Variants in ZSCAN30 observed in about 807,000 individuals in gnomAD.
ZSCAN30 encodes the protein zinc finger and SCAN domain containing 30.
A neutral mutation model predicts 44.3 loss-of-function variants in ZSCAN30; 37 were observed. The observed-to-expected ratio is 0.84, with a 90% CI of 0.64 to 1.10. The LOEUF is 1.10. Ranked by LOEUF, ZSCAN30 falls within the 50% of genes least tolerant of loss-of-function variation. The pLI is 0.00. For synonymous variants in ZSCAN30, 181 were observed against 204.6 expected (o/e 0.88, Z 0.98); for missense variants, 549 against 582.6 (o/e 0.94, Z 0.59).
chr18:35,283,210 C>T (rs2044490546), intron 1 of ZSCAN30: 1 of 150,714 alleles, frequency 6.6e-6, no homozygotes, highest in Non-Finnish European at 1.5e-5. Flanking sequence ...TGGTGAGACC[C>T]CGTCTCTACT....
At chr18:35,271,166 C>G (rs1463179720) in intron 1 of ZSCAN30, among the ~76,000 whole-genome samples, 4 of 152,168 alleles carry the variant, frequency 2.6e-5, no homozygotes, top group Admixed American at 2.6e-4. Flanking sequence ...AAAAGGACCC[C>G]ACCAGGTTCC....
rs970210429 is a variant in ZSCAN30, at chr18:35,265,577, G to C, written c.-103-1122C>G. ...GGCTGATACTAAATCAGAAATGATG[G>C]TGAAAATGTTAGGAAGGGATCATGG... is the stretch of plus-strand genomic sequence containing the variant. On this transcript the variant is annotated intron_variant, in intron 1 of 3. Transcript: ENST00000333206. Among the ~76,000 whole-genome samples the C allele has an allele frequency of 2.0e-5, 3 of 152,182 alleles. No homozygotes were observed. The South Asian group carries it at 6.2e-4, about 31-fold the overall frequency.
Position 35,253,910 on chromosome 18 carries a change from G to A in ZSCAN30, c.1025C>T (p.Ser342Leu). 1 of 1,614,104 alleles carries A rather than the reference G, an allele frequency of 6.2e-7. No individual in the cohort carries two copies. ...AATTCTCTGATGTCTAACAAGGTCT[G>A]AGCTCAAACTGAAGGCTTTGCCACA... is the stretch of plus-strand genomic sequence containing the variant. ...KECGKAFSLS[S>L]DLVRHQRIHS... is the part of the protein sequence containing the mutation. The change falls in exon 4 of 4, where the codon TCA becomes TTA. Residue 342 changes from serine (S) to leucine (L), a missense_variant. Transcript: ENST00000333206.
chr18:35,264,588 A>T lies in ZSCAN30; in HGVS notation c.-103-133T>A, dbSNP rs550097012. On this transcript the variant is annotated intron_variant, in intron 1 of 3. Transcript: ENST00000333206. ...TGACTAACAGGGCACTTCCACATAAATGATACATTTATAGATGACTCAGGA... is the reference window on the plus strand; with the variant it reads ...TGACTAACAGGGCACTTCCACATAATTGATACATTTATAGATGACTCAGGA... 1.0e-3 allele frequency: 505 copies of T among 481,204 alleles called. 12 individuals carry two copies. In the South Asian group the frequency reaches 0.016, roughly 15 times the overall value. The allele number at this position is 481,204 out of a possible 1,614,324, so 29.8% of individuals were successfully genotyped here. A position where few individuals can be genotyped will look rare whatever the true frequency, so the allele number is the denominator to read the frequency against.
At chr18:35,280,054 C>T (rs1003061530) in intron 1 of ZSCAN30, among the ~76,000 whole-genome samples, 1 of 151,950 alleles carries the variant, frequency 6.6e-6, no homozygotes, top group East Asian at 1.9e-4. Flanking sequence ...GGTGGGTAGA[C>T]TGATTGAGCC....
intron 1 of ZSCAN30, among the ~76,000 whole-genome samples, chr18:35,271,196 C>A (rs146428082): frequency 6.6e-6 from 1 of 152,292 alleles, no homozygotes; most frequent in South Asian, 2.1e-4. Context: ...CTGGGGCAGC[C>A]GGCTTTTATT....
rs746907792 is a variant in ZSCAN30, at chr18:35,263,530, TG to T, written c.535del (p.Gln179ArgfsTer16). The T allele has an allele frequency of 1.2e-6, 2 of 1,614,202 alleles. No individual in the cohort carries two copies. Among genetic ancestry groups the T allele is most frequent in the South Asian group, 2.2e-5 (2 of 91,090 alleles). Reference sequence around the variant, plus strand: ...CTTCTCACCTCTCTCCTGGAAAGCCTGGGACTCCTGAGTCTCAGTCTTGCAC... The same window carrying T: ...CTTCTCACCTCTCTCCTGGAAAGCCTGGACTCCTGAGTCTCAGTCTTGCAC... ...NQCKTETQES[Q>X]AFQERDGRMV... On this transcript the variant is annotated frameshift_variant, in exon 3 of 4. Transcript: ENST00000333206. LOFTEE classifies it high-confidence loss of function.
At chr18:35,258,164 G>A (rs1031373244) in intron 3 of ZSCAN30, 13 of 596,678 alleles carry the variant, frequency 2.2e-5, no homozygotes, top group African/African-American at 3.7e-5. Flanking sequence ...TTCTTCAGAG[G>A]CAGGGCTAAG....
At chr18:35,276,594 G>A (rs1001587619) in intron 1 of ZSCAN30, among the ~76,000 whole-genome samples, 1 of 152,216 alleles carries the variant, frequency 6.6e-6, no homozygotes, top group African/African-American at 2.4e-5. Flanking sequence ...CCCAAGCCTT[G>A]GCAGCTTCCA....
Position 35,283,313 on chromosome 18 carries a change from C to T in ZSCAN30, c.-104+6771G>A, listed in dbSNP as rs909364804. ...AGCTGAGGCACAAGAATAGCTTGAA[C>T]CCAGGAGGTGGAGGTTGCAATGAGA... On this transcript the variant is annotated intron_variant, in intron 1 of 3. Transcript: ENST00000333206. 2.0e-5 allele frequency: 3 copies of T among 152,198 alleles called. No homozygotes were observed. The South Asian group carries it at 6.2e-4, about 32-fold the overall frequency. The allele number at this position is 152,198 out of a possible 1,614,324, so 9.4% of individuals were successfully genotyped here. A position where few individuals can be genotyped will look rare whatever the true frequency, so the allele number is the denominator to read the frequency against.
intron 1 of ZSCAN30, among the ~76,000 whole-genome samples, chr18:35,278,640 C>T (rs1352606726): frequency 6.6e-6 from 1 of 152,202 alleles, no homozygotes; most frequent in Non-Finnish European, 1.5e-5. Context: ...GAGAAATTTC[C>T]AAATCATCAA....
intron 3 of ZSCAN30, chr18:35,257,801 C>T: frequency 1.3e-6 from 1 of 756,906 alleles, no homozygotes. Context: ...GACAACTCTG[C>T]AGTGCAATTA....
At chr18:35,280,278 A>G (rs1256037446) in intron 1 of ZSCAN30, among the ~76,000 whole-genome samples, 2 of 147,802 alleles carry the variant, frequency 1.4e-5, no homozygotes, top group Non-Finnish European at 3.0e-5. Flanking sequence ...TTTGTCTCAA[A>G]AAAAAAAAAA....
chr18:35,255,412 T>C lies in ZSCAN30; in HGVS notation c.554-1031A>G, dbSNP rs1401230041. Reference sequence around the variant, plus strand: ...AAAAGCCCTCTAAATGTATATGCATTTTACATATCAGGAAACTGAGGCTCA... The same window carrying C: ...AAAAGCCCTCTAAATGTATATGCATCTTACATATCAGGAAACTGAGGCTCA... On this transcript the variant is annotated intron_variant, in intron 3 of 3. Coordinates refer to ENST00000333206, the MANE Select transcript of ZSCAN30 (RefSeq NM_001112734.4). Among the ~76,000 whole-genome samples the C allele has an allele frequency of 8.5e-5, 13 of 152,078 alleles. No individual in the cohort carries two copies. In the South Asian group the frequency reaches 2.7e-3, roughly 32 times the overall value.
chr18:35,254,042 T>C lies in ZSCAN30; in HGVS notation c.893A>G (p.Glu298Gly). The C allele has an allele frequency of 6.2e-7, 1 of 1,614,206 alleles. No homozygotes were observed. The highest frequency in any genetic ancestry group is 8.5e-7 in the Non-Finnish European group (1 of 1,180,012). Residue 298 changes from glutamate (E) to glycine (G), a missense_variant, in exon 4 of 4, where the codon GAA (glutamate) becomes GGA (glycine). Coordinates refer to ENST00000333206, the MANE Select transcript of ZSCAN30 (RefSeq NM_001112734.4). The stretch of plus-strand genomic sequence containing the variant: ...ACAGTCAAAGCACTCATAGAGCTTT[T>C]CCCTAGTGTCAACGCTCTGTTGTGT... ...DITQQSVDTR[E>G]KLYECFDCGK...
intron 1 of ZSCAN30, among the ~76,000 whole-genome samples, chr18:35,271,545 A>G (rs1222939513): frequency 1.3e-5 from 2 of 152,264 alleles, no homozygotes; most frequent in Admixed American, 1.3e-4. Flanking sequence ...CTAGACATAA[A>G]AGTTCTCCAA....
intron 1 of ZSCAN30, among the ~76,000 whole-genome samples, chr18:35,280,218 G>A (rs965571810): frequency 6.6e-6 from 1 of 150,968 alleles, no homozygotes; most frequent in East Asian, 1.9e-4. Flanking sequence ...TGAGGCTGCA[G>A]TGAGCTGTGA....
At chr18:35,259,097 T>C (rs1449733759) in intron 3 of ZSCAN30, 2 of 152,478 alleles carry the variant, frequency 1.3e-5, no homozygotes, top group African/African-American at 4.8e-5. Flanking sequence ...ACAACAGAAA[T>C]CTCTTTTCTC....
intron 1 of ZSCAN30, among the ~76,000 whole-genome samples, chr18:35,274,881 T>C (rs761826542): frequency 1.3e-5 from 2 of 152,216 alleles, no homozygotes; most frequent in African/African-American, 4.8e-5. Flanking sequence ...ACTTTAATTT[T>C]CCCCTAAAAG....
Sources: gnomAD v4.1 joint callset for allele counts (sites outside exome capture counted in the v4.1 genomes callset) on GRCh38, gnomAD v4.1.1 for gene constraint, MANE v1.5 for transcripts, NCBI Gene and HGNC (gene_info 2026-07-23, HGNC 2026-07-21) for gene names.